Variants in UBE2Q1 observed in about 807,000 individuals in gnomAD.
The protein encoded by UBE2Q1 is ubiquitin-conjugating enzyme E2 Q1.
A neutral mutation model predicts 60.1 loss-of-function variants in UBE2Q1; 6 were observed. The ratio of observed to expected loss-of-function variants is 0.10; its 90% confidence interval spans 0.05 to 0.20. UBE2Q1 has a LOEUF of 0.20. Ranked by LOEUF, UBE2Q1 falls within the 10% of genes least tolerant of loss-of-function variation. UBE2Q1 has a pLI of 1.00. For synonymous variants in UBE2Q1, 226 were observed against 208.3 expected, an observed-to-expected ratio of 1.09 and a Z score of -0.73; for missense variants, 262 against 525.8, an observed-to-expected ratio of 0.50 and a Z score of 4.91.
intron 10 of UBE2Q1, 107 bp from the exon 11 acceptor site, chr1:154,551,599 T>TTTGCCCC: frequency 6.8e-7 from 1 of 1,463,332 alleles, no homozygotes; most frequent in Non-Finnish European, 9.5e-7. Context: ...GCCCTTGCCC[T>TTTGCCCC]TTGCCCCCAG....
chr1:154,554,720 A>G lies in UBE2Q1; in HGVS notation c.588+15T>C, dbSNP rs906480604. ...AAGAGCTTCCAGCCAATGCCACCTCAGGGGGCAAGCCTACCTCAGGCATCT... is the reference window on the plus strand; with the variant it reads ...AAGAGCTTCCAGCCAATGCCACCTCGGGGGGCAAGCCTACCTCAGGCATCT... On this transcript the variant is annotated intron_variant, in intron 4 of 12. Transcript: ENST00000292211. 2.5e-6 allele frequency: 4 copies of G among 1,612,800 alleles called. No individual in the cohort carries two copies. The African/African-American group carries it at 5.3e-5, about 22-fold the overall frequency.
chr1:154,551,938 A>G lies in UBE2Q1; in HGVS notation c.1008T>C (p.Ser336=). ...CCACTCACCCTCCAGAGAGGACTGG[A>G]GACACAACCCTGACAAATGGTGGGT... is the stretch of plus-strand genomic sequence containing the variant. The part of the protein sequence containing the change: ...PFDPPFVRVV[S]PVLSGGYVLG... Residue 336 remains serine, a synonymous_variant, in exon 9 of 13, where the codon TCT becomes TCC. Transcript: ENST00000292211. 1 of 1,614,204 alleles carries G rather than the reference A, an allele frequency of 6.2e-7. No individual in the cohort carries two copies. The highest frequency in any genetic ancestry group is 8.5e-7 in the Non-Finnish European group (1 of 1,180,028).
chr1:154,556,609 GAGAA>G (rs1695892902), intron 1 of UBE2Q1, among the ~76,000 whole-genome samples: 1 of 152,206 alleles, frequency 6.6e-6, no homozygotes, highest in Non-Finnish European at 1.5e-5. Flanking sequence ...GGCAGGCTGG[GAGAA>G]AGAAGCCTAC....
rs560216609 is a variant in UBE2Q1, at chr1:154,549,189, C to T, written c.*1249G>A. The T allele has an allele frequency of 2.4e-4, 36 of 152,404 alleles. No individual in the cohort carries two copies. The highest frequency in any genetic ancestry group is 8.4e-4 in the African/African-American group (35 of 41,570). The allele number at this position is 152,404 out of a possible 1,614,324, so 9.4% of individuals were successfully genotyped here. ...CGCTAGATGCAAAGTCATGCCCAAA[C>T]TTTTACAACAGCAAGTACATACAAC... On this transcript the variant is annotated 3_prime_UTR_variant, in exon 13 of 13. Transcript: ENST00000292211.
intron 4 of UBE2Q1, 119 bp from the exon 5 acceptor site, chr1:154,553,291 C>G (rs1695824681): frequency 7.5e-7 from 1 of 1,334,166 alleles, no homozygotes; most frequent in African/African-American, 1.5e-5. Context: ...GTGAAGCAGT[C>G]CATCTAGCAG....
chr1:154,555,174 T>C (rs1324600131), intron 3 of UBE2Q1, among the ~76,000 whole-genome samples: 1 of 152,146 alleles, frequency 6.6e-6, no homozygotes, highest in Non-Finnish European at 1.5e-5. Context: ...ATGGTAAAAA[T>C]TCCCCCGCTC....
chr1:154,552,376 C>T (rs1695805232), intron 7 of UBE2Q1, 28 bp downstream of exon 7: 1 of 1,613,594 alleles, frequency 6.2e-7, no homozygotes, highest in Non-Finnish European at 8.5e-7. Context: ...TCCTCAACTT[C>T]CTCTCCAATC....
intron 11 of UBE2Q1, 113 bp downstream of exon 11, chr1:154,551,284 C>CA: frequency 8.6e-7 from 1 of 1,167,192 alleles, no homozygotes. Context: ...CCAATGCCAC[C>CA]AGCCCGGGGG....
In UBE2Q1 at chr1:154,552,468, G is replaced by A. The variant is rs201993216; in HGVS notation, c.815-4C>T. The A allele has an allele frequency of 1.4e-4, 221 of 1,613,950 alleles. No homozygotes were observed. The highest frequency in any genetic ancestry group is 8.2e-4 in the Middle Eastern group (5 of 6,062). On this transcript the variant is annotated splice_region_variant and splice_polypyrimidine_tract_variant and intron_variant, in intron 6 of 12. Transcript: ENST00000292211. ...ACGAGTTCGACTGCATAGTTTCCTGGAAGGAGGGAAAAAACAGGTGTTAGT... is the reference window on the plus strand; with the variant it reads ...ACGAGTTCGACTGCATAGTTTCCTGAAAGGAGGGAAAAAACAGGTGTTAGT...
rs1235502033 is a variant in UBE2Q1, at chr1:154,549,899, TCG to T, written c.*537_*538del. 1 of 152,556 alleles carries T rather than the reference TCG, an allele frequency of 6.6e-6. No homozygotes were observed. Among genetic ancestry groups the T allele is most frequent in the Non-Finnish European group, 1.5e-5 (1 of 68,170 alleles). 9.5% of individuals were successfully genotyped at this position (152,556 alleles called of 1,614,324 possible). On this transcript the variant is annotated 3_prime_UTR_variant, in exon 13 of 13. Coordinates refer to ENST00000292211, the MANE Select transcript of UBE2Q1 (RefSeq NM_017582.7). ...CATCTCTACCAAAGCAACAGTGGAC[TCG>T]TACCCCTCCCCACCTCCCAAGTAGT...
At position 154,554,973 on chromosome 1, in the gene UBE2Q1, T is replaced by C. The variant is rs1220328771; in HGVS notation, c.538-188A>G. ...GAATGGCTTTGCTACCAGCCCATTATTTTTCGCCTATCACTGCCAAAGAAT... is the reference window on the plus strand; with the variant it reads ...GAATGGCTTTGCTACCAGCCCATTACTTTTCGCCTATCACTGCCAAAGAAT... On this transcript the variant is annotated intron_variant, in intron 3 of 12. Coordinates refer to ENST00000292211, the MANE Select transcript of UBE2Q1 (RefSeq NM_017582.7). 21 of 596,228 alleles carry C rather than the reference T, an allele frequency of 3.5e-5. No homozygotes were observed. The South Asian group carries it at 4.7e-4, about 13-fold the overall frequency. The allele number at this position is 596,228 out of a possible 1,614,324, so 36.9% of individuals were successfully genotyped here.
intron 10 of UBE2Q1, 96 bp downstream of exon 10, chr1:154,551,675 C>T: frequency 6.4e-7 from 1 of 1,554,368 alleles, no homozygotes; most frequent in Non-Finnish European, 8.9e-7. Flanking sequence ...GAAAGGGCCA[C>T]ATCATGTCTA....
At chr1:154,554,629 T>C in intron 4 of UBE2Q1, 106 bp downstream of exon 4, 1 of 1,177,904 alleles carries the variant, frequency 8.5e-7, no homozygotes, top group South Asian at 1.4e-5. Flanking sequence ...CTTTATTCCT[T>C]TGATATTTTT....
At chr1:154,558,045 T>C (rs1695922523) in intron 1 of UBE2Q1, among the ~76,000 whole-genome samples, 182 bp downstream of exon 1, 1 of 151,830 alleles carries the variant, frequency 6.6e-6, no homozygotes, top group African/African-American at 2.4e-5. Flanking sequence ...GGGTCAATGG[T>C]AGAGATTCTG....
chr1:154,549,911 C>T lies in UBE2Q1; in HGVS notation c.*527G>A, dbSNP rs1695763621. On this transcript the variant is annotated 3_prime_UTR_variant, in exon 13 of 13. Transcript: ENST00000292211. ...AGCAACAGTGGACTCGTACCCCTCC[C>T]CACCTCCCAAGTAGTTCAGGGGATG... 6.5e-6 allele frequency: 1 copy of T among 152,692 alleles called. No individual in the cohort carries two copies. Among genetic ancestry groups the T allele is most frequent in the African/African-American group, 2.4e-5 (1 of 41,440 alleles). 9.5% of individuals were successfully genotyped at this position (152,692 alleles called of 1,614,324 possible). A position where few individuals can be genotyped will look rare whatever the true frequency, so the allele number is the denominator to read the frequency against.
At position 154,552,168 on chromosome 1, in the gene UBE2Q1, G is replaced by A. The variant is rs367889852; in HGVS notation, c.891C>T (p.Ser297=). 7.6e-5 allele frequency: 123 copies of A among 1,614,188 alleles called. No homozygotes were observed. Among genetic ancestry groups the A allele is most frequent in the Admixed American group, 3.3e-4 (20 of 60,028 alleles). ...NVKLLKVDQD[S]ALHNDLQILK... Reference sequence around the variant, plus strand: ...GGATCTGGAGATCGTTGTGCAAAGCGCTGTCCTGGTCAACTCTAAGAAGCA... The same window carrying A: ...GGATCTGGAGATCGTTGTGCAAAGCACTGTCCTGGTCAACTCTAAGAAGCA... Residue 297 remains serine (S), a synonymous_variant, in exon 8 of 13, where the codon AGC becomes AGT. Transcript: ENST00000292211.
At position 154,558,513 on chromosome 1, in the gene UBE2Q1, G is replaced by A. The variant is rs1402375108; in HGVS notation, c.41C>T (p.Pro14Leu). Residue 14 changes from proline (P) to leucine (L), a missense_variant, in exon 1 of 13, where the codon CCG (proline) becomes CTG (leucine). Around this residue, in one of 5 missense-constraint regions of UBE2Q1, gnomAD observed 70 missense variants for 56.7 expected, o/e 1.24. Transcript: ENST00000292211. Reference protein sequence around the residue: ...PQPQGQQQPGPGQQLGGQGAA... With the variant: ...PQPQGQQQPGLGQQLGGQGAA... ...CCCCTGGCCCCCCAGCTGCTGCCCCGGCCCCGGCTGCTGCTGCCCCTGCGG... is the reference window on the plus strand; with the variant it reads ...CCCCTGGCCCCCCAGCTGCTGCCCCAGCCCCGGCTGCTGCTGCCCCTGCGG... The A allele has an allele frequency of 9.3e-7, 1 of 1,075,984 alleles. No individual in the cohort carries two copies. The highest frequency in any genetic ancestry group is 1.1e-6 in the Non-Finnish European group (1 of 905,280). 66.7% of individuals were successfully genotyped at this position (1,075,984 alleles called of 1,614,324 possible).
chr1:154,551,688 ACC>A, intron 10 of UBE2Q1, 81 bp downstream of exon 10: 1 of 1,579,662 alleles, frequency 6.3e-7, no homozygotes, highest in Non-Finnish European at 8.7e-7. Flanking sequence ...CATGTCTATC[ACC>A]CAGCCCGTAG....
chr1:154,553,183 T>TGTG lies in UBE2Q1; in HGVS notation c.589-14_589-12dup. ...TAAGTCTTCTGTGTCCTGGAGGAGG[T>TGTG]GTGGGGTGGGAGTGAAAAGAAAAGG... is the stretch of plus-strand genomic sequence containing the variant. On this transcript the variant is annotated splice_polypyrimidine_tract_variant and intron_variant, in intron 4 of 12. Coordinates refer to ENST00000292211, the MANE Select transcript of UBE2Q1 (RefSeq NM_017582.7). 6.2e-7 allele frequency: 1 copy of TGTG among 1,608,618 alleles called. No individual in the cohort carries two copies. The highest frequency in any genetic ancestry group is 8.5e-7 in the Non-Finnish European group (1 of 1,178,942).
Sources: gnomAD v4.1 joint callset for allele counts (sites outside exome capture counted in the v4.1 genomes callset) on GRCh38, gnomAD v4.1.1 for gene constraint, gnomAD v4.1.1 regional missense constraint, MANE v1.5 for transcripts, NCBI Gene and HGNC (gene_info 2026-07-23, HGNC 2026-07-21) for gene names.